The following PTPRD variants were observed in gnomAD, a reference collection of about 807,000 sequenced individuals.
The protein encoded by PTPRD is protein tyrosine phosphatase receptor type D.
A neutral mutation model predicts 214.5 loss-of-function variants in PTPRD; 34 were observed. The observed-to-expected ratio is 0.16, with a 90% CI of 0.12 to 0.21. The LOEUF is 0.21. PTPRD is among the 10% of genes least tolerant of loss of function. The pLI is 1.00. For missense variants in PTPRD, 2,545 were observed against 2,398.7 expected, an observed-to-expected ratio of 1.06 and a Z score of -1.27; for synonymous variants, 1,128 against 845.7, an observed-to-expected ratio of 1.33 and a Z score of -5.79.
At chr9:10,288,794 T>A (rs548824753) in intron 3 of PTPRD, among the ~76,000 whole-genome samples, 1 of 143,180 alleles carries the variant, frequency 7.0e-6, no homozygotes, top group African/African-American at 2.8e-5. Context: ...CAGATTAGAA[T>A]TGGAAAATTA....
chr9:10,426,913 T>C lies in PTPRD; in HGVS notation c.-599-85896A>G, dbSNP rs570839912. On this transcript the variant is annotated intron_variant, in intron 2 of 45. Coordinates refer to ENST00000381196, the MANE Select transcript of PTPRD (RefSeq NM_002839.4). ...CTTCCAATGTTATAAATTTCAAAGG[T>C]AAACACATTTTTCAAACATGTTTTA... Among the ~76,000 whole-genome samples, 7 of 152,182 alleles carry C rather than the reference T, an allele frequency of 4.6e-5. No homozygotes were observed. In the South Asian group the frequency reaches 1.5e-3, roughly 32 times the overall value.
chr9:9,983,191 G>A (rs768306444), intron 4 of PTPRD, among the ~76,000 whole-genome samples: 3 of 152,318 alleles, frequency 2.0e-5, no homozygotes, highest in Admixed American at 6.5e-5. Flanking sequence ...AGAGGACCTT[G>A]ATTTTGCTAG....
chr9:9,212,146 T>A (rs1593673323), intron 9 of PTPRD, among the ~76,000 whole-genome samples: 1 of 152,212 alleles, frequency 6.6e-6, no homozygotes. Flanking sequence ...AAGATGTTTG[T>A]ATTTTATGAT....
rs1045910124 is a variant in PTPRD, at chr9:9,834,996, G to C, written c.-367-68145C>G. ...CACTTTGTTTTATCTGGTAGCAAGA[G>C]AGTACTTCTACCACCTTCCTTTATT... On this transcript the variant is annotated intron_variant, in intron 5 of 45. Transcript: ENST00000381196. Among the ~76,000 whole-genome samples, 3 of 151,812 alleles carry C rather than the reference G, an allele frequency of 2.0e-5. No homozygotes were observed. In the South Asian group the frequency reaches 6.2e-4, roughly 32 times the overall value.
At chr9:9,079,478 T>C (rs112356188) in intron 10 of PTPRD, among the ~76,000 whole-genome samples, 1,658 of 152,244 alleles carry the variant, frequency 0.011, 26 homozygotes, top group African/African-American at 0.038. Context: ...GAGATGCAGA[T>C]GTCTCTTCGA....
At chr9:9,731,264 T>C (rs1475506727) in intron 7 of PTPRD, among the ~76,000 whole-genome samples, 1 of 152,134 alleles carries the variant, frequency 6.6e-6, no homozygotes, top group Non-Finnish European at 1.5e-5. Flanking sequence ...TTGCATATTA[T>C]CATTTGTATT....
At chr9:9,077,106 A>T (rs2099752316) in intron 10 of PTPRD, among the ~76,000 whole-genome samples, 2 of 151,700 alleles carry the variant, frequency 1.3e-5, no homozygotes, top group South Asian at 4.1e-4. Flanking sequence ...TCTTCTTTTG[A>T]AAAATGTCTA....
At chr9:8,874,944 A>T (rs140323157) in intron 11 of PTPRD, among the ~76,000 whole-genome samples, 8 of 152,292 alleles carry the variant, frequency 5.3e-5, no homozygotes, top group Non-Finnish European at 1.2e-4. Flanking sequence ...TTTCTGGTGG[A>T]TGCAGAGGAG....
chr9:9,700,965 G>C (rs1272242764), intron 7 of PTPRD, among the ~76,000 whole-genome samples: 1 of 151,750 alleles, frequency 6.6e-6, no homozygotes, highest in African/African-American at 2.4e-5. Flanking sequence ...GCAAAGAGTT[G>C]TAGGAACTCA....
chr9:9,082,235 A>G lies in PTPRD; in HGVS notation c.-142-63500T>C, dbSNP rs188277539. Among the ~76,000 whole-genome samples the G allele has an allele frequency of 2.6e-5, 4 of 152,268 alleles. No individual in the cohort carries two copies. The East Asian group carries it at 7.7e-4, about 29-fold the overall frequency. ...AAAATACTGGCAAACCGAATCCAGC[A>G]GCACATCAAAAAGCTTATCCACCAC... is the stretch of plus-strand genomic sequence containing the variant. On this transcript the variant is annotated intron_variant, in intron 10 of 45. Transcript: ENST00000381196.
chr9:9,732,466 G>A (rs1310038583), intron 7 of PTPRD, among the ~76,000 whole-genome samples: 1 of 152,040 alleles, frequency 6.6e-6, no homozygotes, highest in Non-Finnish European at 1.5e-5. Context: ...GATCATTTTG[G>A]CCATCCAGAA....
At chr9:9,158,508 G>T (rs1356550008) in intron 10 of PTPRD, among the ~76,000 whole-genome samples, 1 of 152,142 alleles carries the variant, frequency 6.6e-6, no homozygotes, top group Admixed American at 6.5e-5. Context: ...GCTGAGGCGG[G>T]AGAATTGCTT....
chr9:9,082,998 T>G (rs1231509843), intron 10 of PTPRD, among the ~76,000 whole-genome samples: 5 of 152,148 alleles, frequency 3.3e-5, no homozygotes, highest in African/African-American at 1.2e-4. Context: ...ATAGATTCAA[T>G]GCTATTCCCA....
Position 10,409,950 on chromosome 9 carries a change from C to T in PTPRD, c.-599-68933G>A, listed in dbSNP as rs188863948. ...ATCTTGACTACAACCTCACAAGAAA[C>T]CCTGAGCCAGAAGTGTTCAAATTAG... On this transcript the variant is annotated intron_variant, in intron 2 of 45. Coordinates refer to ENST00000381196, the MANE Select transcript of PTPRD (RefSeq NM_002839.4). Among the ~76,000 whole-genome samples, 92 of 151,732 alleles carry T rather than the reference C, an allele frequency of 6.1e-4. 1 individual carries two copies. The East Asian group carries it at 0.013, about 22-fold the overall frequency.
intron 7 of PTPRD, among the ~76,000 whole-genome samples, chr9:9,635,423 C>A (rs2095732090): frequency 6.6e-6 from 1 of 152,160 alleles, no homozygotes; most frequent in Non-Finnish European, 1.5e-5. Context: ...AGGTCTAGTG[C>A]TTCCTATAGA....
chr9:9,617,606 T>C (rs1352866390), intron 7 of PTPRD, among the ~76,000 whole-genome samples: 1 of 151,988 alleles, frequency 6.6e-6, no homozygotes, highest in African/African-American at 2.4e-5. Flanking sequence ...CAAAGGTAAA[T>C]GTGCATGAAA....
At chr9:8,786,402 C>CTTTTTTTTTTTTTTTTT (rs36018689) in intron 11 of PTPRD, among the ~76,000 whole-genome samples, 1 of 66,996 alleles carries the variant, frequency 1.5e-5, no homozygotes, top group Non-Finnish European at 2.7e-5. Context: ...GTTTGGAGTT[C>CTTTTTTTTTTTTTTTTT]TTTTTTTTTT....
intron 12 of PTPRD, among the ~76,000 whole-genome samples, chr9:8,717,313 T>A (rs190301251): frequency 1.7e-3 from 253 of 152,310 alleles, no homozygotes; most frequent in South Asian, 3.3e-3. Flanking sequence ...AACCTACGTC[T>A]CATCCTCTCT....
chr9:9,404,329 G>A (rs989876981), intron 8 of PTPRD, among the ~76,000 whole-genome samples: 1 of 152,102 alleles, frequency 6.6e-6, no homozygotes, highest in Non-Finnish European at 1.5e-5. Context: ...AACCTTTCCA[G>A]GCAAGAGCTG....
Sources: allele counts gnomAD v4.1 joint callset (sites outside exome capture counted in the v4.1 genomes callset), GRCh38; gene constraint gnomAD v4.1.1; transcripts MANE v1.5; gene names NCBI Gene and HGNC (gene_info 2026-07-23, HGNC 2026-07-21).